The following KIF6 variants were observed in gnomAD, a reference collection of about 807,000 sequenced individuals.
KIF6 encodes the protein kinesin-like protein KIF6.
A neutral mutation model predicts 112.7 loss-of-function variants in KIF6; 106 were observed. The observed-to-expected ratio is 0.94, with a 90% CI of 0.80 to 1.11. The LOEUF is 1.11. Ranked by LOEUF, KIF6 falls within the 50% of genes least tolerant of loss-of-function variation. KIF6 has a pLI of 0.00. For synonymous variants in KIF6, 339 were observed against 339.9 expected (o/e 1.00, Z 0.03); for missense variants, 929 against 964.0 (o/e 0.96, Z 0.48).
At chr6:39,405,557 G>A (rs1197686048) in intron 15 of KIF6, among the ~76,000 whole-genome samples, 5 of 152,144 alleles carry the variant, frequency 3.3e-5, no homozygotes, top group Non-Finnish European at 7.4e-5. Context: ...CCTGAGATAA[G>A]CCTCACTTGG....
At chr6:39,542,190 C>T (rs914218243) in intron 12 of KIF6, among the ~76,000 whole-genome samples, 16 of 152,210 alleles carry the variant, frequency 1.1e-4, no homozygotes, top group African/African-American at 3.4e-4. Flanking sequence ...AATAATGATG[C>T]GTTCTGATGT....
intron 10 of KIF6, among the ~76,000 whole-genome samples, chr6:39,561,238 C>G (rs1046070345): frequency 2.6e-5 from 4 of 152,178 alleles, no homozygotes; most frequent in Non-Finnish European, 2.9e-5. Flanking sequence ...TAGTCCTACA[C>G]ACTAAATTAT....
At chr6:39,346,088 C>CG (rs1562112892) in intron 20 of KIF6, among the ~76,000 whole-genome samples, 1 of 34,492 alleles carries the variant, frequency 2.9e-5, no homozygotes, top group African/African-American at 1.6e-4. Flanking sequence ...CTCTCTCTCC[C>CG]CCCCCTCTCC....
At chr6:39,501,271 AAAAC>A (rs10656361) in intron 13 of KIF6, among the ~76,000 whole-genome samples, 1 of 151,994 alleles carries the variant, frequency 6.6e-6, no homozygotes, top group Admixed American at 6.6e-5. Flanking sequence ...TGTTAAAAGA[AAAAC>A]AAACAAACAA....
At chr6:39,703,398 C>G (rs951943044) in intron 3 of KIF6, among the ~76,000 whole-genome samples, 6 of 152,144 alleles carry the variant, frequency 3.9e-5, no homozygotes, top group African/African-American at 1.2e-4. Flanking sequence ...CAATTAAATG[C>G]TCAGGGTCCC....
At position 39,419,843 on chromosome 6, in the gene KIF6, A is replaced by G. The variant is rs990262647; in HGVS notation, c.1810+105T>C. ...AGCTTCCTTGGCAGGGGCTCTCCTGAAACTGGCCATTTGGGGCTTCATGGC... is the reference window on the plus strand; with the variant it reads ...AGCTTCCTTGGCAGGGGCTCTCCTGGAACTGGCCATTTGGGGCTTCATGGC... On this transcript the variant is annotated intron_variant, in intron 15 of 22. Transcript: ENST00000287152. 369 of 969,168 alleles carry G rather than the reference A, an allele frequency of 3.8e-4. 3 individuals are homozygous for G. Among genetic ancestry groups the G allele is most frequent in the East Asian group, 2.6e-4 (11 of 41,984 alleles). The allele number at this position is 969,168 out of a possible 1,614,324, so 60.0% of individuals were successfully genotyped here. A position where few individuals can be genotyped will look rare whatever the true frequency, so the allele number is the denominator to read the frequency against.
intron 19 of KIF6, among the ~76,000 whole-genome samples, chr6:39,354,501 A>G (rs1321004354): frequency 1.3e-5 from 2 of 152,242 alleles, no homozygotes; most frequent in African/African-American, 4.8e-5. Context: ...AAAACACACA[A>G]TGATGTAGGA....
chr6:39,583,081 C>T (rs1231457696), intron 9 of KIF6: 4 of 250,484 alleles, frequency 1.6e-5, no homozygotes, highest in Admixed American at 8.5e-5. Flanking sequence ...ATAATGTTTA[C>T]CTTTCTTCAA....
intron 15 of KIF6, among the ~76,000 whole-genome samples, chr6:39,388,290 T>A (rs948830747): frequency 2.0e-5 from 3 of 151,924 alleles, no homozygotes; most frequent in Admixed American, 6.6e-5. Flanking sequence ...AAGTATTTTT[T>A]TTTTTTTGGA....
intron 5 of KIF6, among the ~76,000 whole-genome samples, chr6:39,621,220 C>A (rs181223307): frequency 1.5e-5 from 2 of 137,020 alleles, no homozygotes; most frequent in Admixed American, 7.4e-5. Context: ...CACACACACA[C>A]ACACACACAC....
chr6:39,674,703 T>C (rs1250014305), intron 3 of KIF6, among the ~76,000 whole-genome samples: 1 of 151,692 alleles, frequency 6.6e-6, no homozygotes, highest in Non-Finnish European at 1.5e-5. Flanking sequence ...CTGGGCTATG[T>C]ACATGAATGG....
intron 10 of KIF6, among the ~76,000 whole-genome samples, chr6:39,572,584 C>T (rs548638749): frequency 2.7e-5 from 4 of 150,578 alleles, no homozygotes; most frequent in African/African-American, 9.8e-5. Flanking sequence ...TGAAACGTTG[C>T]TAACAGAAAA....
intron 10 of KIF6, among the ~76,000 whole-genome samples, chr6:39,562,403 T>C (rs1202009671): frequency 1.3e-5 from 2 of 152,218 alleles, no homozygotes; most frequent in Non-Finnish European, 1.5e-5. Context: ...GAAAATATCA[T>C]TTCTATAAGA....
intron 21 of KIF6, among the ~76,000 whole-genome samples, chr6:39,344,839 TTTAGC>T (rs1298353906): frequency 3.3e-5 from 5 of 150,868 alleles, no homozygotes; most frequent in African/African-American, 9.9e-5. Context: ...CAGAATCATA[TTTAGC>T]TAAGTTGCCA....
intron 13 of KIF6, among the ~76,000 whole-genome samples, chr6:39,491,605 A>G (rs1775485958): frequency 6.6e-6 from 1 of 152,222 alleles, no homozygotes; most frequent in Non-Finnish European, 1.5e-5. Context: ...AATCTGTAAC[A>G]TTGGCTTTGG....
At position 39,465,215 on chromosome 6, in the gene KIF6, T is replaced by A. The variant is rs574792734; in HGVS notation, c.1646-34054A>T. Among the ~76,000 whole-genome samples, 192 of 152,278 alleles carry A rather than the reference T, an allele frequency of 1.3e-3. 1 individual carries two copies. Among genetic ancestry groups the A allele is most frequent in the African/African-American group, 4.4e-3 (182 of 41,564 alleles). On this transcript the variant is annotated intron_variant, in intron 13 of 22. Transcript: ENST00000287152. ...TCTCTGGTTGCAGCATCACTGGCCA[T>A]AAGGTTATCAAAGGAGGGCAAGAAG...
chr6:39,457,022 A>C (rs1773167410), intron 13 of KIF6, among the ~76,000 whole-genome samples: 1 of 143,176 alleles, frequency 7.0e-6, no homozygotes, highest in South Asian at 2.2e-4. Context: ...AAGCAGACCT[A>C]ATAGACATCT....
chr6:39,503,124 AAAT>A (rs142140831), intron 13 of KIF6, among the ~76,000 whole-genome samples: 9,547 of 152,242 alleles, frequency 0.063, 406 homozygotes, highest in Middle Eastern at 0.15. Context: ...AACAAAACTG[AAAT>A]AATAACAAAC....
intron 3 of KIF6, among the ~76,000 whole-genome samples, chr6:39,709,300 G>A (rs376939585): frequency 2.6e-5 from 4 of 152,198 alleles, no homozygotes; most frequent in African/African-American, 7.2e-5. Context: ...GTGTGTTGTC[G>A]GAGGGATGGT....
Sources: allele counts gnomAD v4.1 joint callset (sites outside exome capture counted in the v4.1 genomes callset), GRCh38; gene constraint gnomAD v4.1.1; transcripts MANE v1.5; gene names NCBI Gene and HGNC (gene_info 2026-07-23, HGNC 2026-07-21).